The following SLC47A1 variants were observed in gnomAD, a reference collection of about 807,000 sequenced individuals.
SLC47A1 encodes the protein multidrug and toxin extrusion protein 1.
SLC47A1 carries 58 observed loss-of-function variants against 65.8 expected under a neutral mutation model. The ratio of observed to expected loss-of-function variants is 0.88; its 90% CI spans 0.71 to 1.10. The LOEUF (loss-of-function observed/expected upper bound fraction) is 1.10, where lower values mean the gene tolerates loss of function less well. Among genes scored for constraint, SLC47A1 ranks in the 50% least tolerant of loss-of-function variants. The pLI, the probability that SLC47A1 is intolerant of heterozygous loss-of-function variation, is 0.00. For synonymous variants in SLC47A1, 285 were observed against 295.0 expected (o/e 0.97, Z 0.35); for missense variants, 706 against 719.2 (o/e 0.98, Z 0.21).
chr17:19,538,629 A>T (rs191122486), intron 1 of SLC47A1, among the ~76,000 whole-genome samples: 6 of 152,326 alleles, frequency 3.9e-5, no homozygotes, highest in African/African-American at 1.4e-4. Flanking sequence ...CAGTGGCCTT[A>T]TGTAACCATC....
At chr17:19,540,849 G>GACACACACAC (rs144308134) in intron 1 of SLC47A1, among the ~76,000 whole-genome samples, 2,732 of 142,972 alleles carry the variant, frequency 0.019, 77 homozygotes, top group African/African-American at 0.065. Context: ...TCCTACAACA[G>GACACACACAC]ACACACACAC....
At chr17:19,545,494 A>G (rs1916263173) in intron 2 of SLC47A1, among the ~76,000 whole-genome samples, 1 of 148,128 alleles carries the variant, frequency 6.8e-6, no homozygotes, top group Non-Finnish European at 1.5e-5. Flanking sequence ...GCTCGGCCAG[A>G]AATTTTTTTT....
intron 3 of SLC47A1, among the ~76,000 whole-genome samples, chr17:19,547,716 CTTTT>C (rs1180263887): frequency 1.5e-5 from 1 of 68,586 alleles, no homozygotes; most frequent in Non-Finnish European, 2.6e-5. Flanking sequence ...CCATGGGCTT[CTTTT>C]TTTTTTTTTT....
intron 3 of SLC47A1, among the ~76,000 whole-genome samples, chr17:19,547,701 T>C (rs1391578837): frequency 6.9e-6 from 1 of 144,616 alleles, no homozygotes; most frequent in Non-Finnish European, 1.5e-5. Context: ...GCAAAGTGTC[T>C]AGGGCCATGG....
chr17:19,566,754 G>A, intron 12 of SLC47A1, 36 bp from the exon 13 acceptor site: 4 of 1,602,732 alleles, frequency 2.5e-6, no homozygotes, highest in Non-Finnish European at 2.6e-6. Flanking sequence ...TCTCCACTTT[G>A]TCTCCTAATC....
At chr17:19,537,027 A>G (rs760423022) in intron 1 of SLC47A1, among the ~76,000 whole-genome samples, 64 of 152,284 alleles carry the variant, frequency 4.2e-4, no homozygotes, top group Admixed American at 1.1e-3. Context: ...GGGAACGTGC[A>G]GATACCTGGC....
Position 19,546,629 on chromosome 17 carries a change from C to T in SLC47A1, c.306+126C>T, listed in dbSNP as rs568447111. 1.6e-4 allele frequency: 130 copies of T among 822,836 alleles called. 1 individual carries two copies. In the South Asian group the frequency reaches 1.9e-3, roughly 12 times the overall value. The allele number at this position is 822,836 out of a possible 1,614,324, so 51.0% of individuals were successfully genotyped here. A position where few individuals can be genotyped will look rare whatever the true frequency, so the allele number is the denominator to read the frequency against. On this transcript the variant is annotated intron_variant, in intron 3 of 16. Transcript: ENST00000270570. ...TGCAGCACCTATCAGCCAGCAACTC[C>T]TCTTCTCCTGGCCTGCTTTCTTTGA... is the stretch of plus-strand genomic sequence containing the variant.
chr17:19,551,506 G>A (rs1195088948), intron 6 of SLC47A1, 38 bp downstream of exon 6: 2 of 1,584,434 alleles, frequency 1.3e-6, no homozygotes, highest in Non-Finnish European at 8.7e-7. Context: ...GAGGCTAATG[G>A]GAGTTTGTAC....
At chr17:19,537,792 A>G (rs1916032942) in intron 1 of SLC47A1, among the ~76,000 whole-genome samples, 1 of 152,040 alleles carries the variant, frequency 6.6e-6, no homozygotes, top group South Asian at 2.1e-4. Flanking sequence ...CCAGGCCTCC[A>G]GCCTCATCTC....
intron 10 of SLC47A1, among the ~76,000 whole-genome samples, chr17:19,558,948 T>C (rs887025997): frequency 6.6e-6 from 1 of 152,192 alleles, no homozygotes; most frequent in Non-Finnish European, 1.5e-5. Flanking sequence ...TGGTCCATAG[T>C]CATCCTGATC....
chr17:19,548,804 G>A (rs1916365956), intron 4 of SLC47A1, among the ~76,000 whole-genome samples: 1 of 152,120 alleles, frequency 6.6e-6, no homozygotes, highest in East Asian at 1.9e-4. Flanking sequence ...TCTTTTAATT[G>A]GTCTGTGGTG....
At chr17:19,537,647 A>T (rs1433852567) in intron 1 of SLC47A1, among the ~76,000 whole-genome samples, 1 of 152,146 alleles carries the variant, frequency 6.6e-6, no homozygotes, top group Non-Finnish European at 1.5e-5. Context: ...TCTCAGAGGG[A>T]TCCACTTTTT....
At position 19,578,921 on chromosome 17, in the gene SLC47A1, T is replaced by C. The variant is rs2084460078; in HGVS notation, c.*1368T>C. 6.6e-6 allele frequency: 1 copy of C among 152,234 alleles called. No homozygotes were observed. Among genetic ancestry groups the C allele is most frequent in the South Asian group, 2.1e-4 (1 of 4,834 alleles). The allele number at this position is 152,234 out of a possible 1,614,324, so 9.4% of individuals were successfully genotyped here. A position where few individuals can be genotyped will look rare whatever the true frequency, so the allele number is the denominator to read the frequency against. The stretch of plus-strand genomic sequence containing the variant: ...TCAAAGAGCAATACTGACATTTCTT[T>C]TGATAAAACCTCCAGCCTTCTCTGT... On this transcript the variant is annotated 3_prime_UTR_variant, in exon 17 of 17. Coordinates refer to ENST00000270570, the MANE Select transcript of SLC47A1 (RefSeq NM_018242.3).
chr17:19,562,617 G>A (rs538932139), intron 12 of SLC47A1, among the ~76,000 whole-genome samples: 1 of 152,026 alleles, frequency 6.6e-6, no homozygotes, highest in African/African-American at 2.4e-5. Context: ...TGGGGAAGGC[G>A]ATGGCAAATA....
rs759388828 is a variant in SLC47A1, at chr17:19,542,494, G to A, written c.237G>A (p.Ala79=). 1.4e-5 allele frequency: 22 copies of A among 1,608,846 alleles called. No homozygotes were observed. The highest frequency in any genetic ancestry group is 3.3e-4 in the Middle Eastern group (2 of 6,064). Residue 79 remains alanine (A), a splice_region_variant and synonymous_variant, in exon 2 of 17, where the codon GCG becomes GCA. Coordinates refer to ENST00000270570, the MANE Select transcript of SLC47A1 (RefSeq NM_018242.3). ...TGGATGCAGTCACGCTGGCAATCGC[G>A]GTACGTGTGGGCTTTCTGGCAGGTT... ...LELDAVTLAI[A]VINVTGVSVG... is the part of the protein sequence containing the mutation.
rs370685164 is a variant in SLC47A1, at chr17:19,578,014, G to C, written c.*461G>C. 4 of 1,246,510 alleles carry C rather than the reference G, an allele frequency of 3.2e-6. No individual in the cohort carries two copies. The highest frequency in any genetic ancestry group is 5.6e-5 in the East Asian group (1 of 17,794). The allele number at this position is 1,246,510 out of a possible 1,614,324, so 77.2% of individuals were successfully genotyped here. A position where few individuals can be genotyped will look rare whatever the true frequency, so the allele number is the denominator to read the frequency against. On this transcript the variant is annotated 3_prime_UTR_variant, in exon 17 of 17. Coordinates refer to ENST00000270570, the MANE Select transcript of SLC47A1 (RefSeq NM_018242.3). ...TTTTTTTTTAATAGACGGAAGTCTTGCTCTGTCATGCAGGCTGGAGTGCGG... is the reference window on the plus strand; with the variant it reads ...TTTTTTTTTAATAGACGGAAGTCTTCCTCTGTCATGCAGGCTGGAGTGCGG...
chr17:19,538,542 G>A (rs746538764), intron 1 of SLC47A1, among the ~76,000 whole-genome samples: 3 of 152,254 alleles, frequency 2.0e-5, no homozygotes, highest in East Asian at 1.9e-4. Flanking sequence ...TGTGGGTCCC[G>A]TGGGGCAGGA....
At position 19,571,507 on chromosome 17, in the gene SLC47A1, G is replaced by A. The variant is rs756279531; in HGVS notation, c.1339G>A (p.Val447Ile). ...GTGGTCAGGGATCATCATCTGTACA[G>A]TCTTTCAAGCTGTGTGTTTTCTAGG... The part of the protein sequence containing the change: ...GLWSGIIICT[V>I]FQAVCFLGFI... The change falls in exon 15 of 17, where the codon GTC becomes ATC. Residue 447 changes from valine (V) to isoleucine (I), a missense_variant. Coordinates refer to ENST00000270570, the MANE Select transcript of SLC47A1 (RefSeq NM_018242.3). The A allele has an allele frequency of 6.2e-7, 1 of 1,614,018 alleles. No homozygotes were observed.
chr17:19,567,312 G>C, intron 14 of SLC47A1, 84 bp downstream of exon 14: 1 of 1,584,064 alleles, frequency 6.3e-7, no homozygotes, highest in East Asian at 2.2e-5. Context: ...TTTGACTGAG[G>C]CTCACCTCTG....
Sources: allele counts gnomAD v4.1 joint callset (sites outside exome capture counted in the v4.1 genomes callset), GRCh38; gene constraint gnomAD v4.1.1; transcripts MANE v1.5; gene names NCBI Gene and HGNC (gene_info 2026-07-23, HGNC 2026-07-21).